The following WDPCP variants were observed in gnomAD, a reference collection of about 807,000 sequenced individuals.
The protein encoded by WDPCP is WD repeat-containing and planar cell polarity effector protein fritz homolog.
A neutral mutation model predicts 93.1 loss-of-function variants in WDPCP; 71 were observed. That is an observed-to-expected ratio of 0.76 (90% CI 0.63 to 0.93). WDPCP has a LOEUF of 0.93. Among genes scored for constraint, WDPCP ranks in the 40% least tolerant of loss-of-function variants. The probability of loss-of-function intolerance (pLI) is 0.00; values close to 1 mark genes in which losing one functional copy is unlikely to be tolerated. For synonymous variants in WDPCP, 315 were observed against 315.0 expected, an observed-to-expected ratio of 1.00 and a Z score of 0.00; for missense variants, 844 against 887.4, an observed-to-expected ratio of 0.95 and a Z score of 0.62.
rs992327264 is a variant in WDPCP at position 63,187,188 on chromosome 2, G to A, written c.1916-12356C>T. Among the ~76,000 whole-genome samples, 8 of 152,068 alleles carry A rather than the reference G, an allele frequency of 5.3e-5. No individual in the cohort carries two copies. The East Asian group carries it at 7.7e-4, about 15-fold the overall frequency. On this transcript the variant is annotated intron_variant, in intron 14 of 17. Coordinates refer to ENST00000272321, the MANE Select transcript of WDPCP (RefSeq NM_015910.7). Reference sequence around the variant, plus strand: ...TCATATTAGTATAGATATCCCTGCTGTCTTTTGGTTATTGTCTGCATAGCA... The same window carrying A: ...TCATATTAGTATAGATATCCCTGCTATCTTTTGGTTATTGTCTGCATAGCA...
chr2:63,424,886 C>T (rs1184282110), intron 9 of WDPCP, among the ~76,000 whole-genome samples: 1 of 152,080 alleles, frequency 6.6e-6, no homozygotes, highest in East Asian at 1.9e-4. Context: ...AGGGGGATCC[C>T]CAAGGCCCGG....
chr2:63,473,317 T>A lies in WDPCP; in HGVS notation c.384+11287A>T, dbSNP rs145892271. Among the ~76,000 whole-genome samples the A allele has an allele frequency of 8.2e-3, 1,242 of 152,268 alleles. 13 individuals carry two copies. Among genetic ancestry groups the A allele is most frequent in the African/African-American group, 0.025 (1,022 of 41,566 alleles). The stretch of plus-strand genomic sequence containing the variant: ...TTGGGAAAAACCTCACTATTCTGGA[T>A]ACAGACTCAATTAATCACCTTATTT... On this transcript the variant is annotated intron_variant, in intron 6 of 17. Transcript: ENST00000272321.
In WDPCP at chr2:63,802,213, A is replaced by G. The variant is rs796329212; in HGVS notation, n.308+11409T>C. Among the ~76,000 whole-genome samples the G allele has an allele frequency of 6.9e-4, 95 of 138,108 alleles. 1 individual carries two copies. Among genetic ancestry groups the G allele is most frequent in the African/African-American group, 2.3e-3 (88 of 37,844 alleles). The allele number at this position is 138,108 out of a possible 152,430, so 90.6% of individuals were successfully genotyped here. On this transcript the variant is annotated intron_variant and non_coding_transcript_variant, in intron 2 of 4. Transcript: ENST00000467687. ...GTAGTCCCAGCACTTTGGAAGGCCAACGTGGGCAGATCACTTGCATCCAGG... is the reference window on the plus strand; with the variant it reads ...GTAGTCCCAGCACTTTGGAAGGCCAGCGTGGGCAGATCACTTGCATCCAGG...
chr2:63,639,999 TTTTG>T (rs904672081), intron 3 of WDPCP, among the ~76,000 whole-genome samples: 51 of 152,174 alleles, frequency 3.4e-4, no homozygotes, highest in African/African-American at 9.2e-4. Context: ...TTAATGTTGT[TTTTG>T]TTTGTTTGTT....
At chr2:63,417,542 G>A (rs1357689031) in intron 9 of WDPCP, among the ~76,000 whole-genome samples, 2 of 151,364 alleles carry the variant, frequency 1.3e-5, no homozygotes, top group Non-Finnish European at 2.9e-5. Flanking sequence ...TAATGTCTAT[G>A]AAAATAATAA....
intron 15 of WDPCP, among the ~76,000 whole-genome samples, chr2:63,168,021 T>A (rs1559169872): frequency 7.1e-6 from 1 of 140,870 alleles, no homozygotes; most frequent in Non-Finnish European, 1.5e-5. Context: ...GAGGCTGAGG[T>A]GGATCACCTG....
intron 3 of WDPCP, among the ~76,000 whole-genome samples, chr2:63,614,273 G>T (rs1709649489): frequency 1.3e-5 from 2 of 152,172 alleles, no homozygotes; most frequent in South Asian, 2.1e-4. Flanking sequence ...TATGGCTTCT[G>T]TACACACTTG....
intron 4 of WDPCP, 136 bp downstream of exon 4, chr2:63,486,406 T>C (rs1700576562): frequency 2.9e-6 from 2 of 685,278 alleles, no homozygotes; most frequent in Non-Finnish European, 5.0e-6. Flanking sequence ...TTGTTACTTA[T>C]ATGTTTATAT....
intron 1 of WDPCP, among the ~76,000 whole-genome samples, chr2:63,580,954 A>G (rs995120564): frequency 1.3e-5 from 2 of 152,208 alleles, no homozygotes; most frequent in Non-Finnish European, 2.9e-5. Flanking sequence ...AACATGTGAT[A>G]AAGCAAATGT....
intron 1 of WDPCP, among the ~76,000 whole-genome samples, chr2:63,566,292 C>T (rs1181434686): frequency 6.6e-6 from 1 of 152,210 alleles, no homozygotes; most frequent in African/African-American, 2.4e-5. Flanking sequence ...GATTTGCGTC[C>T]TTTGGAAAAG....
intron 1 of WDPCP, among the ~76,000 whole-genome samples, chr2:63,517,400 T>G (rs1702623999): frequency 6.6e-6 from 1 of 152,162 alleles, no homozygotes. Flanking sequence ...TTGTACATAA[T>G]CTCCCTTTAT....
At chr2:63,474,179 A>C (rs1699841113) in intron 6 of WDPCP, among the ~76,000 whole-genome samples, 1 of 152,182 alleles carries the variant, frequency 6.6e-6, no homozygotes, top group Non-Finnish European at 1.5e-5. Flanking sequence ...TATAGAACTT[A>C]AATAAATACA....
Position 63,760,051 on chromosome 2 carries a change from C to G in WDPCP, n.308+53571G>C, listed in dbSNP as rs559318284. ...AATAGGGGAGTGGGCAGTGAAGAAG[C>G]TGTTTGGGAAGGTGGTGGGAGGCAG... On this transcript the variant is annotated intron_variant and non_coding_transcript_variant, in intron 2 of 4. Coordinates refer to the WDPCP transcript ENST00000467687. Among the ~76,000 whole-genome samples the G allele has an allele frequency of 5.9e-5, 9 of 152,294 alleles. No homozygotes were observed. The East Asian group carries it at 1.7e-3, about 29-fold the overall frequency.
chr2:63,482,725 C>T (rs1231209701), intron 6 of WDPCP, among the ~76,000 whole-genome samples: 1 of 151,834 alleles, frequency 6.6e-6, no homozygotes, highest in African/African-American at 2.4e-5. Context: ...GACCTGTGGG[C>T]AGGGTGGAGG....
At chr2:63,492,463 T>A (rs988605939) in intron 2 of WDPCP, among the ~76,000 whole-genome samples, 1 of 151,762 alleles carries the variant, frequency 6.6e-6, no homozygotes, top group Admixed American at 6.6e-5. Flanking sequence ...AGAAAAAAAA[T>A]TGAATATGTA....
intron 12 of WDPCP, among the ~76,000 whole-genome samples, chr2:63,327,853 C>T (rs558722152): frequency 2.0e-5 from 3 of 152,270 alleles, no homozygotes; most frequent in Non-Finnish European, 4.4e-5. Flanking sequence ...ACAAATGGAA[C>T]CCCAAATGAG....
At chr2:63,206,930 G>T (rs191417185) in intron 14 of WDPCP, among the ~76,000 whole-genome samples, 101 of 152,194 alleles carry the variant, frequency 6.6e-4, no homozygotes, top group Middle Eastern at 3.4e-3. Flanking sequence ...GCAACAAATT[G>T]CTTGAACTTC....
At chr2:63,409,650 C>A (rs917616604) in intron 9 of WDPCP, among the ~76,000 whole-genome samples, 1 of 151,748 alleles carries the variant, frequency 6.6e-6, no homozygotes, top group Non-Finnish European at 1.5e-5. Flanking sequence ...ATTCGAAAAA[C>A]GATAGAAGTG....
At chr2:63,702,755 T>C (rs1669079551) in intron 2 of WDPCP, among the ~76,000 whole-genome samples, 2 of 151,746 alleles carry the variant, frequency 1.3e-5, no homozygotes, top group Non-Finnish European at 2.9e-5. Flanking sequence ...AGTTTTAGGG[T>C]ACATGTGCAC....
Sources: allele counts gnomAD v4.1 joint callset (sites outside exome capture counted in the v4.1 genomes callset), GRCh38; gene constraint gnomAD v4.1.1; transcripts MANE v1.5; gene names NCBI Gene and HGNC (gene_info 2026-07-23, HGNC 2026-07-21).